Variants in KIF1B observed in about 807,000 individuals in gnomAD.
The protein encoded by KIF1B is kinesin-like protein KIF1B.
A neutral mutation model predicts 241.9 loss-of-function variants in KIF1B; 76 were observed. The observed-to-expected ratio is 0.31, with a 90% CI of 0.26 to 0.38. The LOEUF (loss-of-function observed/expected upper bound fraction) is 0.38, where lower values mean the gene tolerates loss of function less well. Among genes scored for constraint, KIF1B ranks in the 10% least tolerant of loss-of-function variants. The probability of loss-of-function intolerance (pLI) is 1.00; values close to 1 mark genes in which losing one functional copy is unlikely to be tolerated. For missense variants in KIF1B, 1,622 were observed against 2,271.4 expected, an observed-to-expected ratio of 0.71 and a Z score of 5.81; for synonymous variants, 750 against 796.7, an observed-to-expected ratio of 0.94 and a Z score of 0.99.
chr1:10,241,078 C>A (rs1647130322), intron 2 of KIF1B, among the ~76,000 whole-genome samples: 1 of 152,064 alleles, frequency 6.6e-6, no homozygotes, highest in African/African-American at 2.4e-5. Context: ...ATATAGCATA[C>A]TATTTTAAAA....
At chr1:10,215,172 A>ATATATATAT (rs1377684765) in intron 1 of KIF1B, among the ~76,000 whole-genome samples, 5 of 45,360 alleles carry the variant, frequency 1.1e-4, no homozygotes, top group African/African-American at 4.0e-4. Flanking sequence ...ATATATATAT[A>ATATATATAT]TTTTTTTTTT....
At chr1:10,357,643 A>G (rs774873341) in intron 38 of KIF1B, among the ~76,000 whole-genome samples, 22 of 152,086 alleles carry the variant, frequency 1.4e-4, no homozygotes, top group Non-Finnish European at 2.6e-4. Flanking sequence ...TGAGGTGGGA[A>G]GATCACTTGA....
chr1:10,275,763 C>T (rs1042416143), intron 11 of KIF1B, among the ~76,000 whole-genome samples: 1 of 152,182 alleles, frequency 6.6e-6, no homozygotes, highest in African/African-American at 2.4e-5. Context: ...CCCATACTTG[C>T]TTCAGATTAT....
chr1:10,291,030 A>T, intron 15 of KIF1B, 52 bp from the exon 16 acceptor site: 1 of 1,368,800 alleles, frequency 7.3e-7, no homozygotes, highest in South Asian at 1.2e-5. Flanking sequence ...CTAGCATGGT[A>T]TGTTAAATTA....
At chr1:10,268,374 T>G in intron 7 of KIF1B, 111 bp downstream of exon 7, 1 of 744,746 alleles carries the variant, frequency 1.3e-6, no homozygotes, top group South Asian at 1.5e-5. Context: ...GGGTGCTCTT[T>G]TACTTAATGG....
intron 2 of KIF1B, among the ~76,000 whole-genome samples, chr1:10,234,443 A>G (rs549709621): frequency 6.6e-6 from 1 of 151,828 alleles, no homozygotes; most frequent in East Asian, 1.9e-4. Flanking sequence ...CCTGACTTCA[A>G]GTGATCCACC....
At position 10,374,729 on chromosome 1, in the gene KIF1B, A is replaced by C; in HGVS notation, c.5097-125A>C. 5.9e-6 allele frequency: 6 copies of C among 1,018,248 alleles called. No homozygotes were observed. The Admixed American group carries it at 9.8e-5, about 17-fold the overall frequency. The allele number at this position is 1,018,248 out of a possible 1,614,324, so 63.1% of individuals were successfully genotyped here. A position where few individuals can be genotyped will look rare whatever the true frequency, so the allele number is the denominator to read the frequency against. ...CTTTGGCAGATAAGATTCTAGGCCA[A>C]ATAGGTCATTTGCCTGTTTCATCGA... is the stretch of plus-strand genomic sequence containing the variant. On this transcript the variant is annotated intron_variant, in intron 46 of 48. Transcript: ENST00000676179. This position sits in a 1 kb window ranked among gnomAD's most constrained non-coding sequence, Gnocchi z 4.3.
intron 9 of KIF1B, 53 bp from the exon 10 acceptor site, chr1:10,272,961 T>C: frequency 6.9e-7 from 1 of 1,447,830 alleles, no homozygotes; most frequent in Non-Finnish European, 9.4e-7. Context: ...AATTTTCTAC[T>C]TGGAGGCTTA....
intron 33 of KIF1B, among the ~76,000 whole-genome samples, 155 bp downstream of exon 33, chr1:10,342,323 T>C (rs938489296): frequency 6.6e-6 from 1 of 152,254 alleles, no homozygotes; most frequent in Non-Finnish European, 1.5e-5. Context: ...TATCATCTTA[T>C]AGCCACCTAA....
chr1:10,305,241 A>G, intron 22 of KIF1B: 3 of 1,043,178 alleles, frequency 2.9e-6, no homozygotes, highest in Non-Finnish European at 3.5e-6. Flanking sequence ...CTTCCACACA[A>G]CTTCCACGTC....
chr1:10,297,838 G>A (rs927961228), intron 22 of KIF1B, among the ~76,000 whole-genome samples: 1 of 151,870 alleles, frequency 6.6e-6, no homozygotes, highest in Non-Finnish European at 1.5e-5. Context: ...GGGAGCAAAG[G>A]CTGCATACCC....
intron 28 of KIF1B, among the ~76,000 whole-genome samples, chr1:10,335,695 G>T (rs1199693967): frequency 6.6e-6 from 1 of 151,142 alleles, no homozygotes; most frequent in Non-Finnish European, 1.5e-5. Flanking sequence ...GTTTTGTAAT[G>T]CACGGGTCAA....
At chr1:10,235,298 G>A (rs1333474867) in intron 2 of KIF1B, among the ~76,000 whole-genome samples, 4 of 152,138 alleles carry the variant, frequency 2.6e-5, no homozygotes, top group Non-Finnish European at 5.9e-5. Flanking sequence ...TGTTACCCAG[G>A]CTGGAGTACA....
chr1:10,291,417 A>G (rs1342672371), intron 16 of KIF1B, among the ~76,000 whole-genome samples: 1 of 152,184 alleles, frequency 6.6e-6, no homozygotes, highest in Non-Finnish European at 1.5e-5. Flanking sequence ...ATTCATAAAA[A>G]TGGAACATAT....
At chr1:10,261,213 T>TGCCTTG (rs1333778444) in intron 4 of KIF1B, among the ~76,000 whole-genome samples, 3 of 151,840 alleles carry the variant, frequency 2.0e-5, no homozygotes, top group Non-Finnish European at 4.4e-5. Context: ...GTGATCTGCC[T>TGCCTTG]GCCTTGGCCT....
chr1:10,323,736 A>G, intron 24 of KIF1B, 148 bp from the exon 25 acceptor site: 1 of 661,982 alleles, frequency 1.5e-6, no homozygotes, highest in Non-Finnish European at 2.7e-6. Flanking sequence ...GACTGCTAAC[A>G]GGTGGCCATA....
In KIF1B at chr1:10,374,707, T is replaced by G; in HGVS notation, c.5097-147T>G. The G allele has an allele frequency of 1.1e-6, 1 of 929,236 alleles. No homozygotes were observed. Among genetic ancestry groups the G allele is most frequent in the Non-Finnish European group, 1.7e-6 (1 of 584,426 alleles). 57.6% of individuals were successfully genotyped at this position (929,236 alleles called of 1,614,324 possible). The stretch of plus-strand genomic sequence containing the variant: ...CGGTTTCGCTTTTGCCGTATTACTT[T>G]GGCAGATAAGATTCTAGGCCAAATA... On this transcript the variant is annotated intron_variant, in intron 46 of 48. Coordinates refer to ENST00000676179, the MANE Select transcript of KIF1B (RefSeq NM_001365951.3). This position sits in a 1 kb window ranked among gnomAD's most constrained non-coding sequence, Gnocchi z 4.3.
At chr1:10,237,447 G>A (rs1251097082) in intron 2 of KIF1B, among the ~76,000 whole-genome samples, 1 of 152,126 alleles carries the variant, frequency 6.6e-6, no homozygotes, top group Non-Finnish European at 1.5e-5. Context: ...TCAAGTGACT[G>A]AACTGTGATA....
intron 14 of KIF1B, among the ~76,000 whole-genome samples, chr1:10,281,513 T>A (rs1033930350): frequency 2.6e-5 from 4 of 152,218 alleles, no homozygotes; most frequent in Admixed American, 6.5e-5. Context: ...GAAGCAGGCT[T>A]AGCAGTGACC....
Sources: allele counts gnomAD v4.1 joint callset (sites outside exome capture counted in the v4.1 genomes callset), GRCh38; gene constraint gnomAD v4.1.1; non-coding constraint Gnocchi (gnomAD v3.1); transcripts MANE v1.5; gene names NCBI Gene and HGNC (gene_info 2026-07-23, HGNC 2026-07-21).